COL3A1: variants seen among roughly 807,000 people sequenced by gnomAD.
COL3A1 encodes collagen alpha-1(III) chain.
Under a neutral mutation model 200.9 loss-of-function variants are expected in COL3A1, and 46 were observed. The ratio of observed to expected loss-of-function variants is 0.23; its 90% CI spans 0.18 to 0.29. The LOEUF is 0.29. Ranked by LOEUF, COL3A1 falls within the 10% of genes least tolerant of loss-of-function variation. The pLI is 1.00. For missense variants in COL3A1, 1,367 were observed against 1,917.6 expected, an observed-to-expected ratio of 0.71 and a Z score of 5.36; for synonymous variants, 650 against 628.0, an observed-to-expected ratio of 1.03 and a Z score of -0.52.
In COL3A1 at chr2:188,996,007, A is replaced by G. The variant is rs111835500; in HGVS notation, c.1609-118A>G. On this transcript the variant is annotated intron_variant, in intron 22 of 50. Transcript: ENST00000304636. Reference sequence around the variant, plus strand: ...AGATACTTTATAGACAGGAAAAAAGATGTGCAAATCTGAGGCTTCACATGT... The same window carrying G: ...AGATACTTTATAGACAGGAAAAAAGGTGTGCAAATCTGAGGCTTCACATGT... 4,685 of 1,054,386 alleles carry G rather than the reference A, an allele frequency of 4.4e-3. 132 individuals are homozygous for G. In the African/African-American group the frequency reaches 0.061, roughly 14 times the overall value. 65.3% of individuals were successfully genotyped at this position (1,054,386 alleles called of 1,614,324 possible).
chr2:188,989,422 A>C lies in COL3A1; in HGVS notation c.663A>C (p.Ile221=). ...PSGPPGPPGA[I]GPSGPAGKDG... The stretch of plus-strand genomic sequence containing the variant: ...GCCCTCCAGGACCTCCTGGTGCTAT[A>C]GGTCCATCTGGTCCTGCTGGAAAAG... The change falls in exon 8 of 51, where the codon ATA becomes ATC. Residue 221 remains isoleucine (I), a synonymous_variant. Coordinates refer to ENST00000304636, the MANE Select transcript of COL3A1 (RefSeq NM_000090.4). The C allele has an allele frequency of 6.2e-7, 1 of 1,607,258 alleles. No homozygotes were observed. The highest frequency in any genetic ancestry group is 8.5e-7 in the Non-Finnish European group (1 of 1,176,702).
rs560230007 is a variant in COL3A1, at chr2:188,994,566, A to T, written c.1319A>T (p.Lys440Ile). 6.2e-7 allele frequency: 1 copy of T among 1,614,198 alleles called. No individual in the cohort carries two copies. Among genetic ancestry groups the T allele is most frequent in the African/African-American group, 1.3e-5 (1 of 75,056 alleles). ...GGTGAGCCTGGTAAGAATGGTGCCA[A>T]AGGAGAGCCCGGACCACGTGGTGAA... The part of the protein sequence containing the change: ...GAGEPGKNGA[K>I]GEPGPRGERG... The change falls in exon 19 of 51, where the codon AAA becomes ATA. Residue 440 changes from lysine (K) to isoleucine (I), a missense_variant. Around this residue, in one of 5 missense-constraint regions of COL3A1, gnomAD observed 462 missense variants for 681.4 expected, o/e 0.68. Transcript: ENST00000304636. This position sits in a 1 kb window ranked among gnomAD's most constrained non-coding sequence, Gnocchi z 4.5.
intron 32 of COL3A1, 35 bp from the exon 33 acceptor site, chr2:189,001,362 T>C: frequency 6.3e-7 from 1 of 1,589,964 alleles, no homozygotes; most frequent in Non-Finnish European, 8.6e-7. Flanking sequence ...GATATTTGTA[T>C]CTTCAAAATT....
At chr2:188,997,562 A>C in intron 26 of COL3A1, 138 bp from the exon 27 acceptor site, 4 of 1,128,758 alleles carry the variant, frequency 3.5e-6, no homozygotes, top group Non-Finnish European at 1.3e-6. Context: ...TAGAGTGTAC[A>C]TGTGTGCTTT....
At chr2:188,998,778 T>C (rs1486704087) in intron 29 of COL3A1, 60 bp downstream of exon 29, 1 of 1,515,218 alleles carries the variant, frequency 6.6e-7, no homozygotes, top group South Asian at 1.1e-5. Context: ...TGATTAGTAG[T>C]ATATTTTTAG....
chr2:188,996,999 A>ATG (rs1244801212), intron 24 of COL3A1, among the ~76,000 whole-genome samples, 166 bp from the exon 25 acceptor site: 11 of 143,736 alleles, frequency 7.7e-5, no homozygotes, highest in African/African-American at 2.9e-4. Context: ...AAAAATATGT[A>ATG]TGTGTGTGTG....
At position 188,989,810 on chromosome 2, in the gene COL3A1, A is replaced by G. The variant is rs13414033; in HGVS notation, c.691-286A>G. 6.5e-3 allele frequency among the ~76,000 whole-genome samples: 990 copies of G among 152,284 alleles called. 13 individuals are homozygous for G. Among genetic ancestry groups the G allele is most frequent in the African/African-American group, 0.023 (961 of 41,554 alleles). On this transcript the variant is annotated intron_variant, in intron 8 of 50. Transcript: ENST00000304636. ...AGAAGTTATAGATACCTTCAATTCA[A>G]TGGCATTCCTTCTTTCCCTCTTAAT...
chr2:189,006,298 A>C (rs1451673462), intron 42 of COL3A1, 39 bp downstream of exon 42: 1 of 1,614,014 alleles, frequency 6.2e-7, no homozygotes, highest in African/African-American at 1.3e-5. Flanking sequence ...GTGTTATCAA[A>C]ATAAGTGATC....
intron 1 of COL3A1, among the ~76,000 whole-genome samples, chr2:188,977,402 T>C (rs1259359612): frequency 6.6e-6 from 1 of 152,130 alleles, no homozygotes; most frequent in African/African-American, 2.4e-5. Flanking sequence ...CAGTTTCTTA[T>C]TAGACGTCAT....
chr2:189,008,763 G>T (rs373005652), intron 47 of COL3A1, 161 bp from the exon 48 acceptor site: 1 of 704,270 alleles, frequency 1.4e-6, no homozygotes, highest in East Asian at 2.6e-5. Flanking sequence ...ATAAATCGGT[G>T]ATCACGTGAC....
chr2:188,991,615 G>A, intron 12 of COL3A1, 54 bp from the exon 13 acceptor site: 1 of 1,609,870 alleles, frequency 6.2e-7, no homozygotes, highest in Non-Finnish European at 8.5e-7. Flanking sequence ...CACCCCAACT[G>A]TTCTTACACA....
chr2:188,999,628 T>C, intron 31 of COL3A1, 51 bp downstream of exon 31: 1 of 1,585,336 alleles, frequency 6.3e-7, no homozygotes, highest in Non-Finnish European at 8.6e-7. Flanking sequence ...ATTGTAGGTT[T>C]TAAAAAAAGC....
intron 13 of COL3A1, 64 bp downstream of exon 13, chr2:188,991,786 A>T (rs1688196433): frequency 1.3e-6 from 2 of 1,530,894 alleles, no homozygotes; most frequent in Admixed American, 1.7e-5. Flanking sequence ...CAGCCTCAGT[A>T]AAGTTTCAGG....
At chr2:189,001,836 T>C (rs1209925277) in intron 34 of COL3A1, among the ~76,000 whole-genome samples, 1 of 152,206 alleles carries the variant, frequency 6.6e-6, no homozygotes, top group African/African-American at 2.4e-5. Flanking sequence ...ATACATGAAT[T>C]GCACAAGTAG....
Position 188,994,177 on chromosome 2 carries a change from AT to A in COL3A1, c.1195-56del, listed in dbSNP as rs947270775. The A allele has an allele frequency of 5.0e-5, 81 of 1,610,798 alleles. No individual in the cohort carries two copies. The African/African-American group carries it at 9.9e-4, about 20-fold the overall frequency. On this transcript the variant is annotated intron_variant, in intron 17 of 50. Coordinates refer to ENST00000304636, the MANE Select transcript of COL3A1 (RefSeq NM_000090.4). The surrounding 1 kb of genome is among the most constrained non-coding windows in gnomAD (Gnocchi z 4.5). Reference sequence around the variant, plus strand: ...AATAGATTTGTGATATTTAAGTGAGATATTCATAAAAGAACATTCAAGTTCG... The same window carrying A: ...AATAGATTTGTGATATTTAAGTGAGAATTCATAAAAGAACATTCAAGTTCG...
intron 48 of COL3A1, 101 bp from the exon 49 acceptor site, chr2:189,010,077 A>G (rs781377295): frequency 3.6e-5 from 39 of 1,089,542 alleles, no homozygotes; most frequent in Admixed American, 5.5e-5. Context: ...ATGCAGACAC[A>G]TTAGCAGTCA....
Position 189,003,986 on chromosome 2 carries a change from A to G in COL3A1, c.2666A>G (p.Asn889Ser), listed in dbSNP as rs1159141394. ...ATTTCAAACAATTATTTGTAGGGTA[A>G]CCCAGGACCCCCAGGTCCCAGCGGT... ...GLPGPPGSNG[N>S]PGPPGPSGSP... is the part of the protein sequence containing the mutation. The change falls in exon 39 of 51, where the codon AAC (asparagine) becomes AGC (serine). Residue 889 changes from asparagine to serine, a missense_variant. By Grantham distance (46) the Asn-to-Ser change is conservative. Coordinates refer to ENST00000304636, the MANE Select transcript of COL3A1 (RefSeq NM_000090.4). The G allele has an allele frequency of 1.2e-6, 2 of 1,610,288 alleles. No homozygotes were observed. The highest frequency in any genetic ancestry group is 3.3e-5 in the Admixed American group (2 of 59,724).
Position 189,012,094 on chromosome 2 carries a change from C to A in COL3A1, c.*320C>A, listed in dbSNP as rs1688741841. On this transcript the variant is annotated 3_prime_UTR_variant, in exon 51 of 51. Transcript: ENST00000304636. ...TATTCTTTGAATCCTAGCCCATCTG[C>A]AGAGCAATGACTGTGCTCACCAGTA... 3.0e-6 allele frequency: 1 copy of A among 330,400 alleles called. No individual in the cohort carries two copies. The highest frequency in any genetic ancestry group is 5.7e-6 in the Non-Finnish European group (1 of 174,194). The allele number at this position is 330,400 out of a possible 1,614,324, so 20.5% of individuals were successfully genotyped here.
chr2:188,988,095 T>C lies in COL3A1; in HGVS notation c.543T>C (p.Pro181=). ...TCACATTCCAGGGCCCCCCAGGCCC[T>C]CCCGGTCCCCCTGGTACATCTGGTC... The part of the protein sequence containing the change: ...GYPGPAGPPG[P]PGPPGTSGHP... The change falls in exon 6 of 51, where the codon CCT becomes CCC. Residue 181 remains proline (P), a synonymous_variant. Transcript: ENST00000304636. 1 of 1,612,712 alleles carries C rather than the reference T, an allele frequency of 6.2e-7. No homozygotes were observed. Among genetic ancestry groups the C allele is most frequent in the African/African-American group, 1.3e-5 (1 of 75,000 alleles).
Sources: gnomAD v4.1 joint callset for allele counts (sites outside exome capture counted in the v4.1 genomes callset) on GRCh38, gnomAD v4.1.1 for gene constraint, gnomAD v4.1.1 regional missense constraint, Gnocchi (gnomAD v3.1) non-coding constraint, MANE v1.5 for transcripts, NCBI Gene and HGNC (gene_info 2026-07-23, HGNC 2026-07-21) for gene names.